NKAIN3: variants seen among roughly 807,000 people sequenced by gnomAD.
The protein encoded by NKAIN3 is sodium/potassium-transporting ATPase subunit beta-1-interacting protein 3.
In NKAIN3, 25 loss-of-function variants were observed where a neutral mutation model predicts 30.2. The observed-to-expected ratio is 0.83, with a 90% confidence interval of 0.60 to 1.16. The LOEUF (loss-of-function observed/expected upper bound fraction) is 1.16. NKAIN3 is among the 50% of genes most tolerant of loss of function. NKAIN3 has a pLI of 0.00. For synonymous variants in NKAIN3, 91 were observed against 89.6 expected (o/e 1.02, Z -0.09); for missense variants, 225 against 254.1 (o/e 0.89, Z 0.78).
intron 4 of NKAIN3, among the ~76,000 whole-genome samples, chr8:62,837,165 A>G (rs1778768551): frequency 6.6e-6 from 1 of 152,132 alleles, no homozygotes; most frequent in African/African-American, 2.4e-5. Flanking sequence ...TTTATTTTTA[A>G]TGAATGTTTT....
chr8:62,999,477 A>C (rs1431290778), exon 6 of NKAIN3: 1 of 152,232 alleles, frequency 6.6e-6, no homozygotes, highest in Non-Finnish European at 1.5e-5. Flanking sequence ...AAACACTGCT[A>C]TCTCCCACCT....
intron 4 of NKAIN3, among the ~76,000 whole-genome samples, chr8:62,853,149 G>T (rs1819961682): frequency 6.6e-6 from 1 of 152,128 alleles, no homozygotes; most frequent in Non-Finnish European, 1.5e-5. Flanking sequence ...TGTATTTGGT[G>T]CATATATATG....
At chr8:62,862,179 G>T (rs1286514979) in intron 4 of NKAIN3, among the ~76,000 whole-genome samples, 2 of 151,946 alleles carry the variant, frequency 1.3e-5, no homozygotes, top group Non-Finnish European at 2.9e-5. Context: ...AACATTATTT[G>T]GCTTCTCATT....
chr8:62,828,282 C>A (rs1819086953), intron 4 of NKAIN3, among the ~76,000 whole-genome samples: 1 of 152,014 alleles, frequency 6.6e-6, no homozygotes, highest in African/African-American at 2.4e-5. Flanking sequence ...AAAAGATTAT[C>A]TGAGACAGTT....
intron 3 of NKAIN3, among the ~76,000 whole-genome samples, chr8:62,739,444 A>T (rs1029196697): frequency 2.0e-5 from 3 of 152,110 alleles, no homozygotes; most frequent in African/African-American, 7.2e-5. Flanking sequence ...TTTTACCAGA[A>T]TTTATGTTGC....
chr8:62,915,850 A>G (rs753183539), intron 4 of NKAIN3, among the ~76,000 whole-genome samples: 10 of 152,372 alleles, frequency 6.6e-5, no homozygotes, highest in Admixed American at 2.6e-4. Flanking sequence ...ATAAGACCTC[A>G]TATAAATTAA....
chr8:62,743,543 T>C (rs992919750), intron 3 of NKAIN3, among the ~76,000 whole-genome samples: 3 of 152,196 alleles, frequency 2.0e-5, no homozygotes, highest in Non-Finnish European at 4.4e-5. Context: ...ACTGTCTATT[T>C]TTATGTTTTG....
intron 3 of NKAIN3, among the ~76,000 whole-genome samples, chr8:62,715,525 T>G (rs1814867871): frequency 6.6e-6 from 1 of 152,156 alleles, no homozygotes; most frequent in Admixed American, 6.5e-5. Context: ...AGGGTTCATA[T>G]CTCAGTACCT....
At chr8:62,508,886 A>G (rs1807727921) in intron 1 of NKAIN3, among the ~76,000 whole-genome samples, 1 of 132,134 alleles carries the variant, frequency 7.6e-6, no homozygotes, top group Non-Finnish European at 1.6e-5. Context: ...CATATAACAA[A>G]CATCCAGATG....
At chr8:62,927,745 TA>T (rs1822493156) in intron 5 of NKAIN3, among the ~76,000 whole-genome samples, 1 of 152,202 alleles carries the variant, frequency 6.6e-6, no homozygotes. Context: ...ATTATGTCCT[TA>T]AAATATTAAC....
chr8:62,901,483 G>A (rs1445829487), intron 4 of NKAIN3, among the ~76,000 whole-genome samples: 1 of 152,104 alleles, frequency 6.6e-6, no homozygotes, highest in African/African-American at 2.4e-5. Context: ...TGATACTGTG[G>A]CCAGTTTCTC....
rs558371779 is a variant in NKAIN3, at chr8:62,851,624, A to G, written c.472-66829A>G. On this transcript the variant is annotated intron_variant, in intron 4 of 6. Transcript: ENST00000623646. ...TAGATAGCTCTTATTATTTTGAGGT[A>G]CATCCCATCAATACCTAATTTATTG... Among the ~76,000 whole-genome samples, 10 of 152,324 alleles carry G rather than the reference A, an allele frequency of 6.6e-5. No individual in the cohort carries two copies. The East Asian group carries it at 1.9e-3, about 29-fold the overall frequency.
intron 1 of NKAIN3, among the ~76,000 whole-genome samples, chr8:62,456,953 C>T (rs1805843679): frequency 6.6e-6 from 1 of 152,206 alleles, no homozygotes; most frequent in Admixed American, 6.5e-5. Flanking sequence ...CCATTCATCT[C>T]ATTTTAAATT....
chr8:62,425,013 T>A (rs1290711862), intron 1 of NKAIN3, among the ~76,000 whole-genome samples: 1 of 151,840 alleles, frequency 6.6e-6, no homozygotes, highest in Non-Finnish European at 1.5e-5. Context: ...GAGGACATTA[T>A]GTTAAGGGAA....
intron 1 of NKAIN3, among the ~76,000 whole-genome samples, chr8:62,484,393 A>G (rs1202256995): frequency 2.0e-5 from 3 of 152,210 alleles, no homozygotes; most frequent in Non-Finnish European, 4.4e-5. Flanking sequence ...TCTGCATCCC[A>G]TGAAGGCTTT....
At chr8:62,368,041 A>G (rs1380240489) in intron 1 of NKAIN3, among the ~76,000 whole-genome samples, 4 of 152,166 alleles carry the variant, frequency 2.6e-5, no homozygotes, top group African/African-American at 9.7e-5. Flanking sequence ...TGTACACTGA[A>G]AGCTCAGCAA....
At chr8:62,995,816 A>G (rs935564183) in intron 5 of NKAIN3, among the ~76,000 whole-genome samples, 4 of 151,982 alleles carry the variant, frequency 2.6e-5, no homozygotes, top group Non-Finnish European at 4.4e-5. Context: ...TATTTAAAAT[A>G]TTAGAAACAT....
chr8:62,981,119 A>G lies in NKAIN3; in HGVS notation c.*15712A>G, dbSNP rs16918948. On this transcript the variant is annotated 3_prime_UTR_variant, in exon 7 of 7. Transcript: ENST00000623646. ...TGTTGAGAAGATAACTCCTGGTCCC[A>G]TTTTATTCTTTCCTCATTTGTTCAG... 0.22 allele frequency: 34,092 copies of G among 152,120 alleles called. 4,171 individuals carry two copies. The highest frequency in any genetic ancestry group is 0.38 in the East Asian group (1,968 of 5,182). 9.4% of individuals were successfully genotyped at this position (152,120 alleles called of 1,614,324 possible).
intron 3 of NKAIN3, among the ~76,000 whole-genome samples, chr8:62,717,745 A>C (rs1173240936): frequency 1.3e-5 from 2 of 152,238 alleles, no homozygotes; most frequent in African/African-American, 4.8e-5. Flanking sequence ...TTTACTAGAC[A>C]ATAGTTCCCA....
Sources: allele counts gnomAD v4.1 joint callset (sites outside exome capture counted in the v4.1 genomes callset), GRCh38; gene constraint gnomAD v4.1.1; transcripts MANE v1.5; gene names NCBI Gene and HGNC (gene_info 2026-07-23, HGNC 2026-07-21).